Variants in ITCH observed in about 807,000 individuals in gnomAD.
The protein encoded by ITCH is E3 ubiquitin-protein ligase Itchy homolog.
In ITCH, 28 loss-of-function variants were observed where a neutral mutation model predicts 126.8. That is an observed-to-expected ratio of 0.22 (90% CI 0.16 to 0.30). The LOEUF (loss-of-function observed/expected upper bound fraction) is 0.30. Ranked by LOEUF, ITCH falls within the 10% of genes least tolerant of loss-of-function variation. ITCH has a pLI of 1.00. For missense variants in ITCH, 631 were observed against 1,032.4 expected, an observed-to-expected ratio of 0.61 and a Z score of 5.33; for synonymous variants, 342 against 340.0, an observed-to-expected ratio of 1.01 and a Z score of -0.06.
intron 23 of ITCH, among the ~76,000 whole-genome samples, chr20:34,495,085 C>T (rs1224732479): frequency 6.8e-5 from 9 of 132,596 alleles, no homozygotes; most frequent in Non-Finnish European, 1.4e-4. Context: ...ATCCCCTTCT[C>T]TACGAAAAAT....
At chr20:34,390,443 C>CTTTTTTT (rs546555130) in intron 2 of ITCH, among the ~76,000 whole-genome samples, 12 of 90,790 alleles carry the variant, frequency 1.3e-4, no homozygotes, top group East Asian at 6.8e-4. Context: ...CAAGAATAAT[C>CTTTTTTT]TTTTTTTTTT....
At chr20:34,421,207 T>C (rs897826246) in intron 6 of ITCH, among the ~76,000 whole-genome samples, 21 of 152,224 alleles carry the variant, frequency 1.4e-4, no homozygotes, top group Non-Finnish European at 2.6e-4. Context: ...TTTGAACTCC[T>C]GGCCTCAAGC....
intron 9 of ITCH, chr20:34,441,991 G>C: frequency 1.8e-6 from 1 of 565,416 alleles, no homozygotes; most frequent in Non-Finnish European, 3.2e-6. Flanking sequence ...TCCTAGAGCA[G>C]ATACTTGCAT....
At chr20:34,500,075 T>C (rs376978904) in intron 23 of ITCH, among the ~76,000 whole-genome samples, 1 of 152,214 alleles carries the variant, frequency 6.6e-6, no homozygotes, top group Non-Finnish European at 1.5e-5. Context: ...TTAAATTTGT[T>C]GAGACTTGTT....
intron 22 of ITCH, 94 bp downstream of exon 22, chr20:34,490,020 C>G (rs1989400953): frequency 1.2e-6 from 1 of 830,306 alleles, no homozygotes; most frequent in Non-Finnish European, 2.1e-6. Flanking sequence ...TCAAAATGTA[C>G]CAGTGTATAT....
chr20:34,494,211 CAG>C (rs2146525885), intron 23 of ITCH, among the ~76,000 whole-genome samples: 2 of 152,272 alleles, frequency 1.3e-5, no homozygotes, highest in Admixed American at 6.5e-5. Context: ...GCCTGGGAAA[CAG>C]AGTGAGACTC....
At chr20:34,374,997 T>C (rs2123010606) in intron 2 of ITCH, among the ~76,000 whole-genome samples, 1 of 151,950 alleles carries the variant, frequency 6.6e-6, no homozygotes, top group African/African-American at 2.4e-5. Flanking sequence ...CGCCTCGGCC[T>C]CCCAAAGTGC....
intron 7 of ITCH, among the ~76,000 whole-genome samples, chr20:34,437,385 A>T (rs1173040337): frequency 3.9e-5 from 6 of 152,236 alleles, no homozygotes; most frequent in African/African-American, 1.4e-4. Flanking sequence ...AGCTCACTGC[A>T]ACCTCCACTT....
intron 3 of ITCH, among the ~76,000 whole-genome samples, chr20:34,407,289 C>T (rs917890048): frequency 2.6e-5 from 4 of 151,982 alleles, no homozygotes; most frequent in Admixed American, 6.6e-5. Context: ...ATTTTTGATA[C>T]GTAGGCTCAC....
chr20:34,408,403 TC>T (rs1479685966), intron 3 of ITCH, among the ~76,000 whole-genome samples: 3 of 152,172 alleles, frequency 2.0e-5, no homozygotes, highest in Non-Finnish European at 4.4e-5. Context: ...TGATCTGAGT[TC>T]TGGACTTTTG....
At chr20:34,476,768 A>C (rs942570936) in intron 16 of ITCH, 1 of 178,288 alleles carries the variant, frequency 5.6e-6, no homozygotes, top group African/African-American at 2.4e-5. Context: ...CTTATCACTC[A>C]ATAAAGTATA....
In ITCH at chr20:34,478,943, G is replaced by A. The variant is rs998103417; in HGVS notation, c.1659-687G>A. On this transcript the variant is annotated intron_variant, in intron 17 of 24. Coordinates refer to ENST00000374864, the MANE Select transcript of ITCH (RefSeq NM_031483.7). ...ATCACAAGAGGCCATGAACTAACAG[G>A]AAAAGAGATCCAGATTACAGGCTTA... Among the ~76,000 whole-genome samples the A allele has an allele frequency of 3.3e-5, 5 of 152,080 alleles. No individual in the cohort carries two copies. The South Asian group carries it at 6.2e-4, about 19-fold the overall frequency.
intron 2 of ITCH, among the ~76,000 whole-genome samples, chr20:34,375,759 T>A (rs1301626485): frequency 7.7e-6 from 1 of 130,316 alleles, no homozygotes; most frequent in Admixed American, 8.7e-5. Flanking sequence ...ACTTCTATAA[T>A]CCCAGCACTT....
At chr20:34,495,836 C>T (rs1385953279) in intron 23 of ITCH, among the ~76,000 whole-genome samples, 2 of 143,164 alleles carry the variant, frequency 1.4e-5, no homozygotes, top group East Asian at 4.2e-4. Context: ...GGTTGTTGGG[C>T]GGCTGAGATG....
At chr20:34,487,299 G>T (rs563749283) in intron 20 of ITCH, among the ~76,000 whole-genome samples, 1 of 152,102 alleles carries the variant, frequency 6.6e-6, no homozygotes, top group African/African-American at 2.4e-5. Flanking sequence ...GGCATGAGCC[G>T]CCGTGCCCAG....
chr20:34,435,142 G>C (rs1982838473), intron 7 of ITCH, among the ~76,000 whole-genome samples: 1 of 150,760 alleles, frequency 6.6e-6, no homozygotes, highest in South Asian at 2.1e-4. Flanking sequence ...CAGGAGTCTT[G>C]AGCTGTGATT....
At position 34,431,767 on chromosome 20, in the gene ITCH, C is replaced by T. The variant is rs190946781; in HGVS notation, c.522-6707C>T. Among the ~76,000 whole-genome samples the T allele has an allele frequency of 4.0e-5, 6 of 151,748 alleles. No individual in the cohort carries two copies. The East Asian group carries it at 9.7e-4, about 25-fold the overall frequency. ...AAAAGATGGGACATTTGGCCGGTGG[C>T]GGTGGCTCACTCCTGTAATCCCAGC... On this transcript the variant is annotated intron_variant, in intron 7 of 24. Transcript: ENST00000374864.
intron 2 of ITCH, among the ~76,000 whole-genome samples, chr20:34,390,552 C>T (rs529955946): frequency 2.1e-5 from 3 of 144,360 alleles, no homozygotes; most frequent in East Asian, 4.2e-4. Flanking sequence ...CCAGGTTCAA[C>T]GATCCTCCCG....
At chr20:34,385,127 GC>G (rs1163799627) in intron 2 of ITCH, among the ~76,000 whole-genome samples, 1 of 150,378 alleles carries the variant, frequency 6.6e-6, no homozygotes, top group African/African-American at 2.5e-5. Flanking sequence ...CCATTCTCCT[GC>G]CTCAGCCTAC....
Sources: gnomAD v4.1 joint callset for allele counts (sites outside exome capture counted in the v4.1 genomes callset) on GRCh38, gnomAD v4.1.1 for gene constraint, MANE v1.5 for transcripts, NCBI Gene and HGNC (gene_info 2026-07-23, HGNC 2026-07-21) for gene names.